ABRA: variants seen among roughly 807,000 people sequenced by gnomAD.
ABRA encodes actin binding Rho activating protein.
Under a neutral mutation model 33.4 loss-of-function variants are expected in ABRA, and 25 were observed. The observed-to-expected ratio is 0.75, with a 90% CI of 0.55 to 1.04. The LOEUF (loss-of-function observed/expected upper bound fraction) is 1.04, where lower values mean the gene tolerates loss of function less well. Ranked by LOEUF, ABRA falls within the 50% of genes least tolerant of loss-of-function variation. The pLI, the probability that ABRA is intolerant of heterozygous loss-of-function variation, is 0.00. For synonymous variants in ABRA, 193 were observed against 176.8 expected (o/e 1.09, Z -0.73); for missense variants, 501 against 491.7 (o/e 1.02, Z -0.18).
Position 106,761,338 on chromosome 8 carries a change from C to T in ABRA, c.845G>A (p.Gly282Glu), listed in dbSNP as rs1320025474. ...TTTGGGGCGGCCATAGCCCTCATCT[C>T]CTTTGTGTAGGCGGGTGGACATGGC... is the stretch of plus-strand genomic sequence containing the variant. ...ELAMSTRLHK[G>E]DEGYGRPKEG... The change falls in exon 2 of 2, where the codon GGA (glycine) becomes GAA (glutamate). Residue 282 changes from glycine (G) to glutamate (E), a missense_variant. Coordinates refer to ENST00000311955, the MANE Select transcript of ABRA (RefSeq NM_139166.5). The T allele has an allele frequency of 1.5e-5, 24 of 1,614,188 alleles. No individual in the cohort carries two copies. Among genetic ancestry groups the T allele is most frequent in the Non-Finnish European group, 2.0e-5 (24 of 1,180,034 alleles).
chr8:106,770,116 C>G lies in ABRA; in HGVS notation c.75G>C (p.Leu25=). The G allele has an allele frequency of 1.2e-6, 2 of 1,613,806 alleles. No individual in the cohort carries two copies. The highest frequency in any genetic ancestry group is 1.7e-6 in the Non-Finnish European group (2 of 1,179,812). ...GCCAACCTCGGGCCAAGCTGATGACCAGGGTGGCTGTGCGTATCTTCCGGA... is the reference window on the plus strand; with the variant it reads ...GCCAACCTCGGGCCAAGCTGATGACGAGGGTGGCTGTGCGTATCTTCCGGA... ...SALRKIRTAT[L]VISLARGWQQ... is the part of the protein sequence containing the mutation. Residue 25 remains leucine (L), a synonymous_variant, in exon 1 of 2, where the codon CTG becomes CTC. Coordinates refer to ENST00000311955, the MANE Select transcript of ABRA (RefSeq NM_139166.5).
At chr8:106,769,389 T>C in intron 1 of ABRA, 134 bp downstream of exon 1, 1 of 1,246,430 alleles carries the variant, frequency 8.0e-7, no homozygotes, top group Non-Finnish European at 1.1e-6. Context: ...TCCTCTACAG[T>C]ACTCACTGCC....
chr8:106,762,971 A>C (rs550784374), intron 1 of ABRA, among the ~76,000 whole-genome samples: 13 of 152,286 alleles, frequency 8.5e-5, no homozygotes, highest in Non-Finnish European at 1.3e-4. Flanking sequence ...TTTTCTCCCC[A>C]GTAACAAGTG....
chr8:106,770,062 C>A lies in ABRA; in HGVS notation c.129G>T (p.Arg43Ser), dbSNP rs1349451672. Residue 43 changes from arginine (R) to serine (S), a missense_variant, in exon 1 of 2, where the codon AGG becomes AGT. Arg to Ser is a moderately radical substitution (Grantham distance 110). Transcript: ENST00000311955. ...GCCAGCCTGTAGGCTCCTGGGCCTGCCTGATGCTGTTCTCATTCGCCCACT... is the reference window on the plus strand; with the variant it reads ...GCCAGCCTGTAGGCTCCTGGGCCTGACTGATGCTGTTCTCATTCGCCCACT... The part of the protein sequence containing the change: ...WQQWANENSI[R>S]QAQEPTGWLP... The A allele has an allele frequency of 6.2e-7, 1 of 1,614,066 alleles. No individual in the cohort carries two copies. The highest frequency in any genetic ancestry group is 1.7e-5 in the Admixed American group (1 of 60,008).
At chr8:106,765,248 TGTCTATA>T (rs1411298886) in intron 1 of ABRA, among the ~76,000 whole-genome samples, 3 of 152,092 alleles carry the variant, frequency 2.0e-5, no homozygotes, top group Non-Finnish European at 4.4e-5. Context: ...TGGTGGCACG[TGTCTATA>T]GTCCCAGCTA....
In ABRA at chr8:106,769,982, G is replaced by T. The variant is rs1810581862; in HGVS notation, c.209C>A (p.Thr70Asn). 1.2e-6 allele frequency: 2 copies of T among 1,613,980 alleles called. No individual in the cohort carries two copies. Among genetic ancestry groups the T allele is most frequent in the Non-Finnish European group, 1.7e-6 (2 of 1,180,002 alleles). The change falls in exon 1 of 2, where the codon ACT becomes AAT. Residue 70 changes from threonine to asparagine, a missense_variant. Coordinates refer to ENST00000311955, the MANE Select transcript of ABRA (RefSeq NM_139166.5). Reference sequence around the variant, plus strand: ...GGCACTCTGAGCTTTCTGGTGTGAAGTAGGGGGTGTGATTGGTTTAGGAGC... The same window carrying T: ...GGCACTCTGAGCTTTCTGGTGTGAATTAGGGGGTGTGATTGGTTTAGGAGC... ...PQAPKPITPP[T>N]SHQKAQSAPK...
intron 1 of ABRA, among the ~76,000 whole-genome samples, chr8:106,762,641 C>T (rs578089980): frequency 1.2e-4 from 19 of 152,100 alleles, no homozygotes; most frequent in African/African-American, 4.6e-4. Flanking sequence ...GGGAGGGGAA[C>T]AGCACACACC....
rs745944861 is a variant in ABRA, at chr8:106,759,827, A to T, written c.*1210T>A. The T allele has an allele frequency of 3.3e-5, 5 of 152,224 alleles. No individual in the cohort carries two copies. Among genetic ancestry groups the T allele is most frequent in the Non-Finnish European group, 5.9e-5 (4 of 68,024 alleles). The allele number at this position is 152,224 out of a possible 1,614,324, so 9.4% of individuals were successfully genotyped here. On this transcript the variant is annotated 3_prime_UTR_variant, in exon 2 of 2. Coordinates refer to ENST00000311955, the MANE Select transcript of ABRA (RefSeq NM_139166.5). ...TTTCATTGAATCCAGTAAGAATTGC[A>T]ATCTCACATTCCATTCCATTTGTTT...
rs1265268582 is a variant in ABRA, at chr8:106,761,277, A to T, written c.906T>A (p.Ala302=). The T allele has an allele frequency of 6.2e-7, 1 of 1,614,128 alleles. No individual in the cohort carries two copies. Among genetic ancestry groups the T allele is most frequent in the Non-Finnish European group, 8.5e-7 (1 of 1,180,054 alleles). ...TCATTTCCCTGTAGATGTGCTCCTC[A>T]GCACGCTTGGCCCTTTCAGCAGTTT... is the stretch of plus-strand genomic sequence containing the variant. ...GTKTAERAKR[A]EEHIYREMMD... is the part of the protein sequence containing the mutation. Residue 302 remains alanine (A), a synonymous_variant, in exon 2 of 2, where the codon GCT becomes GCA. Coordinates refer to ENST00000311955, the MANE Select transcript of ABRA (RefSeq NM_139166.5).
At chr8:106,762,353 A>G (rs1012325556) in intron 1 of ABRA, among the ~76,000 whole-genome samples, 16 of 152,328 alleles carry the variant, frequency 1.1e-4, no homozygotes, top group African/African-American at 3.8e-4. Flanking sequence ...ACTGCCTTAG[A>G]CCAAGGTCAA....
chr8:106,767,656 G>A (rs944620513), intron 1 of ABRA, among the ~76,000 whole-genome samples: 4 of 152,206 alleles, frequency 2.6e-5, no homozygotes, highest in Non-Finnish European at 5.9e-5. Flanking sequence ...ATTATGAGAA[G>A]TGAAGCGACA....
At chr8:106,763,458 G>GA (rs1411296532) in intron 1 of ABRA, among the ~76,000 whole-genome samples, 1 of 152,154 alleles carries the variant, frequency 6.6e-6, no homozygotes, top group Non-Finnish European at 1.5e-5. Flanking sequence ...ATATATGTGT[G>GA]AAAAAGTGCT....
intron 1 of ABRA, among the ~76,000 whole-genome samples, chr8:106,762,844 G>A (rs1552302): frequency 0.84 from 127,959 of 152,192 alleles, 54,000 homozygotes; most frequent in East Asian, 0.91. Context: ...CCATTTCTCT[G>A]TCTCCAATTG....
At chr8:106,769,411 T>G in intron 1 of ABRA, 112 bp downstream of exon 1, 843 of 1,408,830 alleles carry the variant, frequency 6.0e-4, no homozygotes, top group Non-Finnish European at 7.4e-4. Flanking sequence ...GTCCAGTCTT[T>G]GAGATTCTCA....
chr8:106,770,017 GT>G lies in ABRA; in HGVS notation c.173del (p.Asp58AlafsTer67). On this transcript the variant is annotated frameshift_variant, in exon 1 of 2. Coordinates refer to ENST00000311955, the MANE Select transcript of ABRA (RefSeq NM_139166.5). LOFTEE classifies it high-confidence loss of function. ...TGATTGGTTTAGGAGCTTGAGGTGAGTCCTGGGTCCCTCCCGGCAGCCAGCC... is the reference window on the plus strand; with the variant it reads ...TGATTGGTTTAGGAGCTTGAGGTGAGCCTGGGTCCCTCCCGGCAGCCAGCC... ...PTGWLPGGTQ[D>X]SPQAPKPITP... is the part of the protein sequence containing the mutation. The G allele has an allele frequency of 6.2e-7, 1 of 1,614,046 alleles. No homozygotes were observed. Among genetic ancestry groups the G allele is most frequent in the Non-Finnish European group, 8.5e-7 (1 of 1,180,016 alleles).
chr8:106,763,256 A>G (rs1836162670), intron 1 of ABRA, among the ~76,000 whole-genome samples: 2 of 152,270 alleles, frequency 1.3e-5, no homozygotes, highest in South Asian at 2.1e-4. Flanking sequence ...ACTTTCATCA[A>G]TTCTTATGCT....
rs760272225 is a variant in ABRA, at chr8:106,761,210, G to T, written c.973C>A (p.Arg325=). Residue 325 remains arginine (R), a synonymous_variant, in exon 2 of 2, where the codon CGA becomes AGA. Coordinates refer to ENST00000311955, the MANE Select transcript of ABRA (RefSeq NM_139166.5). ...FIICTMARHR[R]DGKIQVTFGD... is the part of the protein sequence containing the mutation. ...AAAGTAACCTGGATCTTGCCATCTC[G>T]TCTGTGGCGAGCCATTGTGCAGATA... The T allele has an allele frequency of 6.2e-7, 1 of 1,614,184 alleles. No homozygotes were observed. The highest frequency in any genetic ancestry group is 1.1e-5 in the South Asian group (1 of 91,086).
At chr8:106,769,215 AAG>A (rs1563782293) in intron 1 of ABRA, among the ~76,000 whole-genome samples, 1 of 152,222 alleles carries the variant, frequency 6.6e-6, no homozygotes, top group East Asian at 1.9e-4. Flanking sequence ...AACTGACTTA[AAG>A]AATTCACGAA....
chr8:106,761,196 G>T lies in ABRA; in HGVS notation c.987C>A (p.Ile329=), dbSNP rs775933784. Residue 329 remains isoleucine (I), a synonymous_variant, in exon 2 of 2, where the codon ATC becomes ATA. Coordinates refer to ENST00000311955, the MANE Select transcript of ABRA (RefSeq NM_139166.5). ...TMARHRRDGK[I]QVTFGDLFDR... is the part of the protein sequence containing the mutation. ...CAAAGAGATCTCCAAAAGTAACCTG[G>T]ATCTTGCCATCTCGTCTGTGGCGAG... 2.5e-6 allele frequency: 4 copies of T among 1,614,194 alleles called. No homozygotes were observed. The highest frequency in any genetic ancestry group is 3.4e-6 in the Non-Finnish European group (4 of 1,180,040).
Sources: allele counts gnomAD v4.1 joint callset (sites outside exome capture counted in the v4.1 genomes callset), GRCh38; gene constraint gnomAD v4.1.1; transcripts MANE v1.5; gene names NCBI Gene and HGNC (gene_info 2026-07-23, HGNC 2026-07-21).